PAGE2B: variants seen among roughly 807,000 people sequenced by gnomAD.
The protein encoded by PAGE2B is PAGE family member 2B, also known as putative G antigen family E member 3.
PAGE2B carries 5 observed loss-of-function variants against 7.6 expected under a neutral mutation model. The ratio of observed to expected loss-of-function variants is 0.66; its 90% CI spans 0.34 to 1.38. The LOEUF is 1.38. Ranked by LOEUF, PAGE2B falls within the 40% of genes most tolerant of loss-of-function variation. PAGE2B has a pLI of 0.04. For missense variants in PAGE2B, 70 were observed against 78.4 expected, an observed-to-expected ratio of 0.89 and a Z score of 0.41; for synonymous variants, 29 against 26.7, an observed-to-expected ratio of 1.09 and a Z score of -0.27.
the PAGE2B span, among the ~76,000 whole-genome samples, chrX:55,033,167 A>G: frequency 8.9e-6 from 1 of 112,033 alleles, no homozygotes; most frequent in South Asian, 3.7e-4. Flanking sequence ...TTGCATTCAG[A>G]TGCATTTCCT....
At chrX:55,043,755 G>T in the PAGE2B span, among the ~76,000 whole-genome samples, 1 of 110,183 alleles carries the variant, frequency 9.1e-6, no homozygotes, top group Non-Finnish European at 1.9e-5. Flanking sequence ...ATCACCTGAG[G>T]TCGGCAGTTT....
At chrX:55,071,899 C>A (rs1021177331), upstream of PAGE2B, among the ~76,000 whole-genome samples, 2 of 111,956 alleles carry the variant, frequency 1.8e-5, no homozygotes, top group Non-Finnish European at 3.8e-5. Flanking sequence ...TTTTTCCGCT[C>A]CCTCAGGCCA....
At chrX:55,046,777 A>G in the PAGE2B span, among the ~76,000 whole-genome samples, 2 of 112,237 alleles carry the variant, frequency 1.8e-5, no homozygotes, top group Non-Finnish European at 3.8e-5. Context: ...GATCATGCCA[A>G]CATCCAGTGG....
chrX:55,069,333 G>A, the PAGE2B span, among the ~76,000 whole-genome samples: 1 of 111,594 alleles, frequency 9.0e-6, no homozygotes, highest in African/African-American at 3.3e-5. Context: ...TTATGTGATG[G>A]ATTACGTTTA....
the PAGE2B span, among the ~76,000 whole-genome samples, chrX:55,057,447 G>A: frequency 9.0e-6 from 1 of 111,669 alleles, no homozygotes; most frequent in Admixed American, 9.5e-5. Flanking sequence ...TTTCCTAAAT[G>A]TTTAGTTGAG....
the PAGE2B span, among the ~76,000 whole-genome samples, chrX:55,039,991 C>G: frequency 2.7e-5 from 3 of 109,354 alleles, no homozygotes; most frequent in African/African-American, 9.9e-5. Context: ...AAGTATATTA[C>G]GTATTAAACA....
the PAGE2B span, among the ~76,000 whole-genome samples, chrX:55,036,826 G>A: frequency 9.1e-6 from 1 of 109,893 alleles, no homozygotes; most frequent in African/African-American, 3.4e-5. Flanking sequence ...AATAAATGGT[G>A]CTGGGAAAAC....
the PAGE2B span, among the ~76,000 whole-genome samples, chrX:55,057,600 A>G: frequency 9.0e-6 from 1 of 110,903 alleles, no homozygotes; most frequent in South Asian, 3.9e-4. Context: ...TGGCTCTGTC[A>G]GTTACAGGGA....
the PAGE2B span, among the ~76,000 whole-genome samples, chrX:55,047,600 G>A: frequency 0.035 from 3,891 of 111,431 alleles, 174 homozygotes; most frequent in African/African-American, 0.12. Context: ...ACTTTCTAAC[G>A]ATCGCCATTC....
At chrX:55,045,289 G>C in the PAGE2B span, among the ~76,000 whole-genome samples, 6 of 111,268 alleles carry the variant, frequency 5.4e-5, no homozygotes, top group East Asian at 1.7e-3. Context: ...TATTATTTCA[G>C]GAACTCTCCC....
the PAGE2B span, among the ~76,000 whole-genome samples, chrX:55,052,526 G>T: frequency 1.8e-5 from 2 of 112,381 alleles, no homozygotes; most frequent in South Asian, 7.3e-4. Context: ...CCCTCCCCCA[G>T]CCTGGCTGCC....
chrX:55,077,253 T>C, intron 3 of PAGE2B, 146 bp from the exon 4 acceptor site: 2 of 1,029,248 alleles, frequency 1.9e-6, no homozygotes, highest in East Asian at 6.6e-5. Context: ...TGAACATCTC[T>C]GCTTTCCTGT....
At chrX:55,031,928 A>G in the PAGE2B span, among the ~76,000 whole-genome samples, 41,228 of 110,479 alleles carry the variant, frequency 0.37, 7,018 homozygotes, top group Non-Finnish European at 0.51. Flanking sequence ...CATAGTCTAC[A>G]TATTGATTTG....
the PAGE2B span, among the ~76,000 whole-genome samples, chrX:55,033,351 G>A: frequency 9.0e-6 from 1 of 111,508 alleles, no homozygotes; most frequent in African/African-American, 3.3e-5. Flanking sequence ...GTGCCTCTCT[G>A]TACTATTCCT....
the PAGE2B span, among the ~76,000 whole-genome samples, chrX:55,049,868 C>G: frequency 2.7e-5 from 3 of 111,616 alleles, no homozygotes; most frequent in Non-Finnish European, 5.6e-5. Context: ...TGTGTTTGCT[C>G]TTGCTTTCCT....
At chrX:55,061,589 C>T in the PAGE2B span, among the ~76,000 whole-genome samples, 1 of 111,432 alleles carries the variant, frequency 9.0e-6, no homozygotes, top group Non-Finnish European at 1.9e-5. Flanking sequence ...CTTTGTGTTA[C>T]AAACAATCTA....
the PAGE2B span, among the ~76,000 whole-genome samples, chrX:55,041,952 C>T: frequency 4.7e-4 from 53 of 111,828 alleles, no homozygotes; most frequent in African/African-American, 1.6e-3. Context: ...CAACATTATA[C>T]TGAATGGGGA....
chrX:55,028,529 T>G, the PAGE2B span, among the ~76,000 whole-genome samples: 3 of 111,675 alleles, frequency 2.7e-5, no homozygotes, highest in African/African-American at 9.8e-5. Flanking sequence ...ACCTCCTGTA[T>G]ATAAAAACAG....
upstream of PAGE2B, among the ~76,000 whole-genome samples, chrX:55,073,520 C>T (rs1285687085): frequency 8.9e-6 from 1 of 111,775 alleles, no homozygotes; most frequent in Non-Finnish European, 1.9e-5. Flanking sequence ...GCCAGATCCC[C>T]GCAACCATCC....
Sources: gnomAD v4.1 joint callset for allele counts (sites outside exome capture counted in the v4.1 genomes callset) on GRCh38, gnomAD v4.1.1 for gene constraint, MANE v1.5 for transcripts, NCBI Gene and HGNC (gene_info 2026-07-23, HGNC 2026-07-21) for gene names.